Variants in JAML observed in about 807,000 individuals in gnomAD.
The protein encoded by JAML is junction adhesion molecule like.
JAML carries 25 observed loss-of-function variants against 39.3 expected under a neutral mutation model. The ratio of observed to expected loss-of-function variants is 0.64; its 90% CI spans 0.46 to 0.89. JAML has a LOEUF of 0.89. JAML is among the 40% of genes least tolerant of loss of function. The probability of loss-of-function intolerance (pLI) is 0.00; values close to 1 mark genes in which losing one functional copy is unlikely to be tolerated. For synonymous variants in JAML, 162 were observed against 179.2 expected (o/e 0.90, Z 0.77); for missense variants, 440 against 486.9 (o/e 0.90, Z 0.91).
intron 4 of JAML, among the ~76,000 whole-genome samples, chr11:118,208,291 C>A (rs1051540113): frequency 6.6e-6 from 1 of 152,006 alleles, no homozygotes; most frequent in African/African-American, 2.4e-5. Context: ...TTTGCTTCTT[C>A]TTCCTGGAGA....
At chr11:118,207,116 A>C (rs774611627) in intron 4 of JAML, among the ~76,000 whole-genome samples, 17 of 152,228 alleles carry the variant, frequency 1.1e-4, no homozygotes, top group Non-Finnish European at 2.5e-4. Context: ...GGAAGGAATT[A>C]TTTTGAAAGC....
At chr11:118,210,816 A>G in intron 3 of JAML, 104 bp from the exon 4 acceptor site, 1 of 923,188 alleles carries the variant, frequency 1.1e-6, no homozygotes, top group Non-Finnish European at 1.7e-6. Flanking sequence ...TATCATCATG[A>G]TCATGATCCA....
chr11:118,220,427 C>A (rs927434803), intron 1 of JAML, among the ~76,000 whole-genome samples: 1 of 152,190 alleles, frequency 6.6e-6, no homozygotes, highest in African/African-American at 2.4e-5. Flanking sequence ...GAGGTTGGCT[C>A]ATCATTTTCC....
At chr11:118,200,246 G>A (rs1948754012) in intron 7 of JAML, among the ~76,000 whole-genome samples, 1 of 152,168 alleles carries the variant, frequency 6.6e-6, no homozygotes, top group Non-Finnish European at 1.5e-5. Context: ...AAGGGAGTTT[G>A]TAGTCTTTAC....
At chr11:118,219,090 T>C (rs4145147) in intron 1 of JAML, among the ~76,000 whole-genome samples, 1 of 70,986 alleles carries the variant, frequency 1.4e-5, no homozygotes, top group Non-Finnish European at 2.4e-5. Flanking sequence ...TAATAGTGTA[T>C]GGGGGGTTAA....
chr11:118,202,262 A>G (rs1948817982), intron 6 of JAML: 1 of 152,386 alleles, frequency 6.6e-6, no homozygotes, highest in African/African-American at 2.4e-5. Context: ...AACGCTTTAA[A>G]TGGGCAAATT....
Position 118,205,905 on chromosome 11 carries a change from T to C in JAML, c.511A>G (p.Ile171Val), listed in dbSNP as rs1948905776. ...ACCTTTGCGCGCCGTCCTGAAAATA[T>C]CCATTCTACCTTGGTCACGTGTTTC... Reference protein sequence around the residue: ...EVKHVTKVEWIFSGRRAKEEI... With the variant: ...EVKHVTKVEWVFSGRRAKEEI... The change falls in exon 5 of 10, where the codon ATA (isoleucine) becomes GTA (valine). Residue 171 changes from isoleucine to valine, a missense_variant. Physicochemically the swap from Ile to Val is conservative, Grantham distance 29. Coordinates refer to ENST00000356289, the MANE Select transcript of JAML (RefSeq NM_001098526.2). 4 of 1,614,008 alleles carry C rather than the reference T, an allele frequency of 2.5e-6. No homozygotes were observed. Among genetic ancestry groups the C allele is most frequent in the African/African-American group, 1.3e-5 (1 of 74,920 alleles).
chr11:118,203,385 A>G, intron 6 of JAML, 43 bp downstream of exon 6: 1 of 1,550,646 alleles, frequency 6.4e-7, no homozygotes. Context: ...GCCATGCACC[A>G]GCCAGGAGGT....
At chr11:118,212,314 C>T in intron 3 of JAML, 93 bp downstream of exon 3, 2 of 1,476,660 alleles carry the variant, frequency 1.4e-6, no homozygotes, top group Non-Finnish European at 1.8e-6. Flanking sequence ...GCAACACCTC[C>T]TGGTGGCACC....
chr11:118,213,429 T>C, intron 2 of JAML: 3 of 708,276 alleles, frequency 4.2e-6, no homozygotes, highest in Non-Finnish European at 5.2e-6. Flanking sequence ...GTTAACTTCC[T>C]GCCCCAACAG....
chr11:118,212,971 G>C (rs1949092250), intron 2 of JAML: 2 of 1,613,800 alleles, frequency 1.2e-6, no homozygotes, highest in Non-Finnish European at 1.7e-6. Context: ...TTCCCTCTCT[G>C]AAAAGGGACC....
Position 118,210,709 on chromosome 11 carries a change from C to T in JAML, c.202G>A (p.Glu68Lys), listed in dbSNP as rs1201784659. The change falls in exon 4 of 10, where the codon GAA becomes AAA. Residue 68 changes from glutamate (E) to lysine (K), a missense_variant. Coordinates refer to ENST00000356289, the MANE Select transcript of JAML (RefSeq NM_001098526.2). ...TLSPGEHAKD[E>K]YVLYYYSNLS... ...TTGGAGTAATAGTATAGCACATATT[C>T]GTCCTGAAGGGCAAAACAGTGTTGG... 1.2e-5 allele frequency: 20 copies of T among 1,613,728 alleles called. No individual in the cohort carries two copies. The highest frequency in any genetic ancestry group is 1.6e-5 in the Non-Finnish European group (19 of 1,179,694).
At chr11:118,199,690 A>T (rs867597309) in intron 7 of JAML, among the ~76,000 whole-genome samples, 50 of 80,650 alleles carry the variant, frequency 6.2e-4, no homozygotes, top group East Asian at 1.1e-3. Context: ...TATTATTATT[A>T]TTATTTTTTT....
chr11:118,215,085 G>T (rs1218013475), intron 1 of JAML, among the ~76,000 whole-genome samples, 199 bp from the exon 2 acceptor site: 1 of 152,158 alleles, frequency 6.6e-6, no homozygotes, highest in Non-Finnish European at 1.5e-5. Context: ...GCAAATAAAT[G>T]AATGAATGAA....
intron 2 of JAML, 124 bp from the exon 3 acceptor site, chr11:118,212,685 C>G: frequency 6.6e-7 from 1 of 1,504,944 alleles, no homozygotes; most frequent in Non-Finnish European, 8.9e-7. Flanking sequence ...ACAAAGTCCT[C>G]GGAGGCATGT....
chr11:118,207,654 C>A (rs1201009725), intron 4 of JAML, among the ~76,000 whole-genome samples: 3 of 149,220 alleles, frequency 2.0e-5, no homozygotes, highest in Non-Finnish European at 4.4e-5. Context: ...ATGGAGTTGC[C>A]ATGTTGGTGG....
At chr11:118,216,809 A>T (rs560595557) in intron 1 of JAML, among the ~76,000 whole-genome samples, 13 of 152,204 alleles carry the variant, frequency 8.5e-5, no homozygotes, top group Non-Finnish European at 1.0e-4. Flanking sequence ...CAGGAGTCAC[A>T]TAGATTCCCC....
chr11:118,213,424 C>T, intron 2 of JAML: 1 of 778,442 alleles, frequency 1.3e-6, no homozygotes, highest in Non-Finnish European at 1.6e-6. Context: ...AGACAGTTAA[C>T]TTCCTGCCCC....
At chr11:118,220,664 G>A (rs556609448) in intron 1 of JAML, among the ~76,000 whole-genome samples, 63 of 152,326 alleles carry the variant, frequency 4.1e-4, no homozygotes, top group Admixed American at 8.5e-4. Context: ...AAAAATGCAG[G>A]GAAGAAAGGC....
Sources: gnomAD v4.1 joint callset for allele counts (sites outside exome capture counted in the v4.1 genomes callset) on GRCh38, gnomAD v4.1.1 for gene constraint, MANE v1.5 for transcripts, NCBI Gene and HGNC (gene_info 2026-07-23, HGNC 2026-07-21) for gene names.